The following TRIM39 variants were observed in gnomAD, a reference collection of about 807,000 sequenced individuals.
TRIM39 encodes the protein tripartite motif containing 39.
A neutral mutation model predicts 53.6 loss-of-function variants in TRIM39; 5 were observed. That is an observed-to-expected ratio of 0.09 (90% CI 0.05 to 0.20). TRIM39 has a LOEUF of 0.20. Among genes scored for constraint, TRIM39 ranks in the 10% least tolerant of loss-of-function variants. The pLI, the probability that TRIM39 is intolerant of heterozygous loss-of-function variation, is 1.00. For missense variants in TRIM39, 310 were observed against 621.0 expected (o/e 0.50, Z 5.32); for synonymous variants, 196 against 237.6 (o/e 0.82, Z 1.61).
intron 4 of TRIM39, among the ~76,000 whole-genome samples, chr6:30,333,886 A>G (rs1343410295): frequency 1.3e-5 from 2 of 152,156 alleles, no homozygotes; most frequent in Non-Finnish European, 2.9e-5. Flanking sequence ...AAAAAGAGAA[A>G]AGATTACCGG....
At chr6:30,329,088 A>T (rs1785791004) in intron 2 of TRIM39, 47 bp downstream of exon 2, 1 of 561,620 alleles carries the variant, frequency 1.8e-6, no homozygotes, top group African/African-American at 1.9e-5. Flanking sequence ...CAGTTTACTA[A>T]CAAGAAAAAA....
intron 2 of TRIM39, 40 bp from the exon 3 acceptor site, chr6:30,329,271 T>A: frequency 6.5e-7 from 1 of 1,541,180 alleles, no homozygotes; most frequent in Non-Finnish European, 8.7e-7. Flanking sequence ...AACCTCCAAT[T>A]AATATTTTTA....
rs759467959 is a variant in TRIM39, at chr6:30,335,995, A to G, written c.780+20A>G. 9.3e-6 allele frequency: 15 copies of G among 1,612,666 alleles called. No homozygotes were observed. Among genetic ancestry groups the G allele is most frequent in the Non-Finnish European group, 1.3e-5 (15 of 1,179,922 alleles). On this transcript the variant is annotated intron_variant, in intron 5 of 7. Coordinates refer to ENST00000396551, the Ensembl canonical transcript of TRIM39. This position sits in a 1 kb window ranked among gnomAD's most constrained non-coding sequence, Gnocchi z 4.7. Reference sequence around the variant, plus strand: ...CTTAAGGTTCGACCTTTGCCCCTGCATAGCCCCTCAGGCTGAGTGCAGCGT... The same window carrying G: ...CTTAAGGTTCGACCTTTGCCCCTGCGTAGCCCCTCAGGCTGAGTGCAGCGT...
chr6:30,340,270 A>G lies in TRIM39; in HGVS notation c.804-235A>G, dbSNP rs1787344895. 2.5e-6 allele frequency: 4 copies of G among 1,612,326 alleles called. No homozygotes were observed. In the East Asian group the frequency reaches 8.9e-5, roughly 36 times the overall value. On this transcript the variant is annotated intron_variant, in intron 6 of 7. Coordinates refer to ENST00000396551, the Ensembl canonical transcript of TRIM39. ...GCAATCATCCATTTGCATGAAATAC[A>G]GGAATATTCCTAGAAAGTTCGGAGG...
chr6:30,329,342 G>T, exon 3 of TRIM39: 4 of 1,612,966 alleles, frequency 2.5e-6, no homozygotes, highest in Non-Finnish European at 3.4e-6. Context: ...TCTGTTAGAG[G>T]CTGGGGCCTC....
intron 7 of TRIM39, chr6:30,341,370 G>A (rs775558703): frequency 8.4e-5 from 50 of 598,292 alleles, no homozygotes; most frequent in Non-Finnish European, 1.4e-4. Context: ...AACACTTTCC[G>A]TTTTTTTCTG....
chr6:30,339,089 T>C lies in TRIM39; in HGVS notation c.781-819T>C, dbSNP rs1435087890. ...TTGTGGGACAGAGATTTGTCTTCTT[T>C]GTCTTCTGGACCCCAAGTATTCACA... On this transcript the variant is annotated intron_variant, in intron 5 of 7. Transcript: ENST00000396551. The surrounding 1 kb of genome is among the most constrained non-coding windows in gnomAD (Gnocchi z 4.2). Among the ~76,000 whole-genome samples, 1 of 152,196 alleles carries C rather than the reference T, an allele frequency of 6.6e-6. No homozygotes were observed. The highest frequency in any genetic ancestry group is 1.5e-5 in the Non-Finnish European group (1 of 68,026).
chr6:30,329,722 C>G, exon 3 of TRIM39: 1 of 1,613,098 alleles, frequency 6.2e-7, no homozygotes, highest in Non-Finnish European at 8.5e-7. Context: ...CCCACACCCA[C>G]CGGGCCCACA....
At chr6:30,333,192 A>G (rs1035066685) in intron 4 of TRIM39, among the ~76,000 whole-genome samples, 1 of 152,214 alleles carries the variant, frequency 6.6e-6, no homozygotes. Context: ...GATTTTTCAT[A>G]GTAATAACTT....
Position 30,342,360 on chromosome 6 carries a change from T to C in TRIM39, c.*101T>C. ...CGTCTTCGTGTCCACCTGGGTCCAG[T>C]CCTGAATCATCTTGGAGAAACACCT... On this transcript the variant is annotated 3_prime_UTR_variant, in exon 8 of 8. Coordinates refer to ENST00000396551, the Ensembl canonical transcript of TRIM39. This position sits in a 1 kb window ranked among gnomAD's most constrained non-coding sequence, Gnocchi z 4.7. 1 of 1,256,558 alleles carries C rather than the reference T, an allele frequency of 8.0e-7. No individual in the cohort carries two copies. Among genetic ancestry groups the C allele is most frequent in the Non-Finnish European group, 1.1e-6 (1 of 891,466 alleles). 77.8% of individuals were successfully genotyped at this position (1,256,558 alleles called of 1,614,324 possible).
At chr6:30,340,039 C>T in intron 6 of TRIM39, 109 bp downstream of exon 6, 9 of 1,533,328 alleles carry the variant, frequency 5.9e-6, no homozygotes, top group Non-Finnish European at 8.1e-6. Flanking sequence ...TGTAGTGTGT[C>T]TGGGCAGGGT....
chr6:30,339,944 G>C lies in TRIM39; in HGVS notation c.803+14G>C. The C allele has an allele frequency of 1.9e-6, 3 of 1,614,110 alleles. No homozygotes were observed. Among genetic ancestry groups the C allele is most frequent in the Non-Finnish European group, 2.5e-6 (3 of 1,180,012 alleles). On this transcript the variant is annotated intron_variant, in intron 6 of 7. Coordinates refer to ENST00000396551, the Ensembl canonical transcript of TRIM39. The surrounding 1 kb of genome is among the most constrained non-coding windows in gnomAD (Gnocchi z 4.2). Reference sequence around the variant, plus strand: ...TACCCTGGAAAAGTAAGTGATTGTTGTATCTCTCTGAGTGAGTTAGGTCTT... The same window carrying C: ...TACCCTGGAAAAGTAAGTGATTGTTCTATCTCTCTGAGTGAGTTAGGTCTT...
At chr6:30,331,246 G>A (rs1160384845) in intron 4 of TRIM39, among the ~76,000 whole-genome samples, 1 of 149,716 alleles carries the variant, frequency 6.7e-6, no homozygotes, top group African/African-American at 2.5e-5. Flanking sequence ...TCCAGCCTGG[G>A]CAACAGAGCA....
exon 8 of TRIM39, chr6:30,341,969 C>T: frequency 6.2e-7 from 1 of 1,613,078 alleles, no homozygotes; most frequent in Non-Finnish European, 8.5e-7. Context: ...GTTGACTCCA[C>T]TCCCTGAGAC....
At chr6:30,340,307 C>T (rs1396956292) in intron 6 of TRIM39, 198 bp from the exon 7 acceptor site, 11 of 1,612,992 alleles carry the variant, frequency 6.8e-6, no homozygotes, top group Middle Eastern at 1.7e-4. Flanking sequence ...TCACTCTCAA[C>T]GATCTGTCCA....
At chr6:30,334,890 C>A (rs758566230) in intron 4 of TRIM39, among the ~76,000 whole-genome samples, 1 of 151,940 alleles carries the variant, frequency 6.6e-6, no homozygotes, top group Non-Finnish European at 1.5e-5. Flanking sequence ...TTGCCATGCC[C>A]GACTAATTTT....
rs551146108 is a variant in TRIM39, at chr6:30,329,635, C to T, written c.318C>T (p.Leu106=). 25 of 1,613,118 alleles carry T rather than the reference C, an allele frequency of 1.5e-5. No individual in the cohort carries two copies. In the Admixed American group the frequency reaches 3.7e-4, roughly 24 times the overall value. Reference sequence around the variant, plus strand: ...AGCGGAAGATCCGGGATGAGAGCCTCTGCCCCCAACACCATGAGGCCCTCA... The same window carrying T: ...AGCGGAAGATCCGGGATGAGAGCCTTTGCCCCCAACACCATGAGGCCCTCA... Residue 106 remains leucine, a synonymous_variant, in exon 3 of 8, where the codon CTC becomes CTT. Transcript: ENST00000396551.
chr6:30,342,329 C>T lies in TRIM39; in HGVS notation c.*70C>T, dbSNP rs1582056925. 6.6e-7 allele frequency: 1 copy of T among 1,514,796 alleles called. No individual in the cohort carries two copies. Among genetic ancestry groups the T allele is most frequent in the Non-Finnish European group, 9.0e-7 (1 of 1,106,404 alleles). 93.8% of individuals were successfully genotyped at this position (1,514,796 alleles called of 1,614,324 possible). A position where few individuals can be genotyped will look rare whatever the true frequency, so the allele number is the denominator to read the frequency against. The stretch of plus-strand genomic sequence containing the variant: ...CTACGGGCCTCCTTCCCGTGTCCTG[C>T]TGGAACGTCTTCGTGTCCACCTGGG... On this transcript the variant is annotated 3_prime_UTR_variant, in exon 8 of 8. Transcript: ENST00000396551. The surrounding 1 kb of genome is among the most constrained non-coding windows in gnomAD (Gnocchi z 4.7).
At position 30,339,856 on chromosome 6, in the gene TRIM39, A is replaced by G; in HGVS notation, c.781-52A>G. ...GGAGGAGGGGGAACCTTTTGCCTTCAGGACCACTGAATACCAGGACCAATA... is the reference window on the plus strand; with the variant it reads ...GGAGGAGGGGGAACCTTTTGCCTTCGGGACCACTGAATACCAGGACCAATA... On this transcript the variant is annotated intron_variant, in intron 5 of 7. Transcript: ENST00000396551. The surrounding 1 kb of genome is among the most constrained non-coding windows in gnomAD (Gnocchi z 4.2). 1 of 1,613,266 alleles carries G rather than the reference A, an allele frequency of 6.2e-7. No individual in the cohort carries two copies. The highest frequency in any genetic ancestry group is 8.5e-7 in the Non-Finnish European group (1 of 1,179,512).
Sources: allele counts gnomAD v4.1 joint callset (sites outside exome capture counted in the v4.1 genomes callset), GRCh38; gene constraint gnomAD v4.1.1; non-coding constraint Gnocchi (gnomAD v3.1); transcripts MANE v1.5; gene names NCBI Gene and HGNC (gene_info 2026-07-23, HGNC 2026-07-21).